Variants in RNF111 observed in about 807,000 individuals in gnomAD.
RNF111 encodes the protein E3 ubiquitin-protein ligase Arkadia.
In RNF111, 17 loss-of-function variants were observed where a neutral mutation model predicts 95.1. The ratio of observed to expected loss-of-function variants is 0.18; its 90% CI spans 0.12 to 0.27. The LOEUF is 0.27. RNF111 is among the 10% of genes least tolerant of loss of function. The pLI is 1.00. For missense variants in RNF111, 1,189 were observed against 1,210.4 expected (o/e 0.98, Z 0.26); for synonymous variants, 440 against 414.8 (o/e 1.06, Z -0.74).
chr15:58,990,384 G>C (rs534558583), intron 1 of RNF111, among the ~76,000 whole-genome samples: 1 of 152,188 alleles, frequency 6.6e-6, no homozygotes, highest in African/African-American at 2.4e-5. Flanking sequence ...TGTGGGCCAG[G>C]CGTGGTGGCT....
intron 6 of RNF111, among the ~76,000 whole-genome samples, chr15:59,071,348 ATAGAG>A (rs1184312393): frequency 8.0e-5 from 12 of 149,718 alleles, no homozygotes; most frequent in Non-Finnish European, 1.3e-4. Context: ...TGCCTTTGCT[ATAGAG>A]TAGAGGTGAA....
At chr15:59,066,553 G>C (rs1024709641) in intron 5 of RNF111, among the ~76,000 whole-genome samples, 1 of 151,944 alleles carries the variant, frequency 6.6e-6, no homozygotes, top group Admixed American at 6.6e-5. Flanking sequence ...GAGGTTTGGT[G>C]AGCCAAGATG....
chr15:59,061,646 T>C (rs993741439), intron 5 of RNF111, among the ~76,000 whole-genome samples: 4 of 152,206 alleles, frequency 2.6e-5, no homozygotes, highest in Admixed American at 2.6e-4. Context: ...CCTAACTCCT[T>C]CCTTTCCCTT....
In RNF111 at chr15:59,031,420, C is replaced by A; in HGVS notation, c.598C>A (p.Pro200Thr). The A allele has an allele frequency of 6.2e-7, 1 of 1,614,152 alleles. No homozygotes were observed. The highest frequency in any genetic ancestry group is 8.5e-7 in the Non-Finnish European group (1 of 1,180,026). ...ESVSGLLMKR[P>T]CLHGSSLRRL... ...TGTATCGGGATTGTTAATGAAAAGA[C>A]CCTGTTTACATGGCAGTTCGTTACG... The change falls in exon 2 of 14, where the codon CCC becomes ACC. Residue 200 changes from proline (P) to threonine (T), a missense_variant. Physicochemically the swap from Pro to Thr is conservative, Grantham distance 38 (BLOSUM62 -1). Coordinates refer to ENST00000348370, the MANE Select transcript of RNF111 (RefSeq NM_017610.8).
rs1175725760 is a variant in RNF111, at chr15:59,039,082, T to C, written c.880+7380T>C. On this transcript the variant is annotated intron_variant, in intron 2 of 13. Coordinates refer to ENST00000348370, the MANE Select transcript of RNF111 (RefSeq NM_017610.8). ...CGTGTTCAAGTGATTCTCCTGCCTC[T>C]GCCTCCCGAGTAGCTGGGATTACAG... is the stretch of plus-strand genomic sequence containing the variant. Among the ~76,000 whole-genome samples the C allele has an allele frequency of 2.0e-5, 3 of 152,044 alleles. No individual in the cohort carries two copies. The South Asian group carries it at 6.2e-4, about 32-fold the overall frequency.
intron 1 of RNF111, among the ~76,000 whole-genome samples, chr15:59,002,073 G>A (rs1328919726): frequency 6.6e-6 from 1 of 152,208 alleles, no homozygotes; most frequent in African/African-American, 2.4e-5. Context: ...GCATTCATAA[G>A]CGGTTAAAGC....
intron 1 of RNF111, among the ~76,000 whole-genome samples, chr15:59,022,637 T>C (rs2040401161): frequency 6.6e-6 from 1 of 152,220 alleles, no homozygotes; most frequent in African/African-American, 2.4e-5. Flanking sequence ...TTAAGGAGTA[T>C]AGTGAACGTC....
intron 1 of RNF111, among the ~76,000 whole-genome samples, chr15:59,002,036 G>T (rs1031455839): frequency 6.6e-6 from 1 of 152,198 alleles, no homozygotes; most frequent in Non-Finnish European, 1.5e-5. Context: ...ATGGCGAAAT[G>T]AGGTTAATGA....
At chr15:59,071,817 A>G (rs761324676) in intron 6 of RNF111, among the ~76,000 whole-genome samples, 1 of 152,190 alleles carries the variant, frequency 6.6e-6, no homozygotes, top group Non-Finnish European at 1.5e-5. Context: ...TAATACAAGC[A>G]TACCTTGGAG....
chr15:59,068,040 G>A (rs1407368164), intron 6 of RNF111, among the ~76,000 whole-genome samples: 3 of 152,156 alleles, frequency 2.0e-5, no homozygotes, highest in African/African-American at 4.8e-5. Flanking sequence ...GAAGTCAAGC[G>A]TTCCATGCTA....
chr15:59,093,819 A>G (rs1283735173), intron 13 of RNF111, among the ~76,000 whole-genome samples: 1 of 152,154 alleles, frequency 6.6e-6, no homozygotes, highest in Non-Finnish European at 1.5e-5. Flanking sequence ...TGTCTACCAT[A>G]CGACAAATAA....
At chr15:59,022,720 A>G (rs562606401) in intron 1 of RNF111, among the ~76,000 whole-genome samples, 24 of 152,342 alleles carry the variant, frequency 1.6e-4, no homozygotes, top group African/African-American at 5.3e-4. Context: ...AATGCAACCA[A>G]AAGACTCACC....
chr15:59,084,463 C>CT, intron 9 of RNF111: 2 of 390,040 alleles, frequency 5.1e-6, no homozygotes, highest in East Asian at 3.9e-5. Context: ...AGGAGTAGTA[C>CT]TTTTTTTAGG....
intron 4 of RNF111, among the ~76,000 whole-genome samples, chr15:59,057,523 G>A (rs1334531994): frequency 6.6e-6 from 1 of 152,088 alleles, no homozygotes; most frequent in Non-Finnish European, 1.5e-5. Context: ...CTATGCTTTG[G>A]ATGGATTTAT....
intron 1 of RNF111, among the ~76,000 whole-genome samples, chr15:59,026,940 C>G (rs1478259956): frequency 6.6e-6 from 1 of 152,184 alleles, no homozygotes; most frequent in Non-Finnish European, 1.5e-5. Context: ...CTACCCTTGT[C>G]TCATTGGACA....
chr15:59,044,353 G>C (rs1225741017), intron 2 of RNF111, among the ~76,000 whole-genome samples: 1 of 152,168 alleles, frequency 6.6e-6, no homozygotes, highest in Admixed American at 6.5e-5. Context: ...CTTATTGTTA[G>C]CATCATTCCA....
intron 1 of RNF111, among the ~76,000 whole-genome samples, chr15:59,016,083 C>T (rs777020977): frequency 6.6e-6 from 1 of 151,796 alleles, no homozygotes; most frequent in Non-Finnish European, 1.5e-5. Flanking sequence ...GCAGTCTGCC[C>T]ACCTTGGCCT....
intron 7 of RNF111, among the ~76,000 whole-genome samples, chr15:59,080,197 T>C (rs2078698539): frequency 7.1e-6 from 1 of 140,980 alleles, no homozygotes; most frequent in Non-Finnish European, 1.5e-5. Flanking sequence ...CTCAGCTCAC[T>C]GCATCCTCCA....
At chr15:58,995,236 G>A (rs1444233324) in intron 1 of RNF111, among the ~76,000 whole-genome samples, 1 of 152,098 alleles carries the variant, frequency 6.6e-6, no homozygotes, top group Non-Finnish European at 1.5e-5. Context: ...TTACTCTAAT[G>A]GTTGGAAAGT....
Sources: allele counts gnomAD v4.1 joint callset (sites outside exome capture counted in the v4.1 genomes callset), GRCh38; gene constraint gnomAD v4.1.1; transcripts MANE v1.5; gene names NCBI Gene and HGNC (gene_info 2026-07-23, HGNC 2026-07-21).